The following INO80 variants were observed in gnomAD, a reference collection of about 807,000 sequenced individuals.
INO80 encodes chromatin-remodeling ATPase INO80.
In INO80, 20 loss-of-function variants were observed where a neutral mutation model predicts 203.4. The ratio of observed to expected loss-of-function variants is 0.10; its 90% CI spans 0.07 to 0.14. The LOEUF is 0.14. INO80 is among the 10% of genes least tolerant of loss of function. INO80 has a pLI of 1.00. For missense variants in INO80, 1,419 were observed against 1,914.4 expected (o/e 0.74, Z 4.83); for synonymous variants, 726 against 685.2 (o/e 1.06, Z -0.93).
chr15:40,998,856 T>C (rs935568436), intron 28 of INO80, among the ~76,000 whole-genome samples: 1 of 152,004 alleles, frequency 6.6e-6, no homozygotes, highest in African/African-American at 2.4e-5. Context: ...GAGATGGGAT[T>C]TCACCATGTT....
At chr15:40,983,249 A>C in intron 34 of INO80, 172 bp from the exon 35 acceptor site, 2 of 592,150 alleles carry the variant, frequency 3.4e-6, no homozygotes, top group Admixed American at 6.0e-5. Context: ...AGTCACACAG[A>C]ATACTAAGAA....
chr15:41,096,336 G>A lies in INO80; in HGVS notation c.-26C>T. ...AGAACAAATCTGTCTTCATGCACAA[G>A]GACCTCCGACTGCACGGCTGCAGAA... On this transcript the variant is annotated 5_prime_UTR_variant, in exon 2 of 36. Transcript: ENST00000648947. 4 of 1,555,804 alleles carry A rather than the reference G, an allele frequency of 2.6e-6. No individual in the cohort carries two copies. The highest frequency in any genetic ancestry group is 3.5e-6 in the Non-Finnish European group (4 of 1,158,190).
rs150382939 is a variant in INO80 at position 41,037,681 on chromosome 15, G to A, written c.2907+7223C>T. Among the ~76,000 whole-genome samples the A allele has an allele frequency of 2.6e-3, 389 of 152,000 alleles. 1 individual carries two copies. Among genetic ancestry groups the A allele is most frequent in the African/African-American group, 8.8e-3 (364 of 41,488 alleles). Reference sequence around the variant, plus strand: ...AGTTGGGCTGGGTGTGGTGGCTCACGCCTGTAATCCCAGCACTTTGAAAGG... The same window carrying A: ...AGTTGGGCTGGGTGTGGTGGCTCACACCTGTAATCCCAGCACTTTGAAAGG... On this transcript the variant is annotated intron_variant, in intron 24 of 35. Coordinates refer to ENST00000648947, the MANE Select transcript of INO80 (RefSeq NM_017553.3).
chr15:41,116,086 G>T lies in INO80; in HGVS notation c.-157C>A. 3 of 396,956 alleles carry T rather than the reference G, an allele frequency of 7.6e-6. No individual in the cohort carries two copies. Among genetic ancestry groups the T allele is most frequent in the Non-Finnish European group, 1.3e-5 (3 of 224,944 alleles). The allele number at this position is 396,956 out of a possible 1,614,324, so 24.6% of individuals were successfully genotyped here. On this transcript the variant is annotated 5_prime_UTR_variant, in exon 1 of 36. Coordinates refer to ENST00000648947, the MANE Select transcript of INO80 (RefSeq NM_017553.3). ...GGTGGAGCCGCGGTTCGCTCTCTGA[G>T]GCCGTGGGACGGTGACTGCGTTGGG...
intron 1 of INO80, among the ~76,000 whole-genome samples, chr15:41,114,462 A>T (rs1463717628): frequency 6.6e-6 from 1 of 151,962 alleles, no homozygotes; most frequent in Non-Finnish European, 1.5e-5. Context: ...TAATCCCAGC[A>T]CTCTGGGAGG....
chr15:41,101,237 T>C (rs1270039708), intron 1 of INO80, among the ~76,000 whole-genome samples: 5 of 152,258 alleles, frequency 3.3e-5, no homozygotes, highest in East Asian at 3.9e-4. Flanking sequence ...ATCTCCTCAT[T>C]TGTCTCTTAT....
chr15:40,999,888 C>T (rs917245989), intron 28 of INO80, among the ~76,000 whole-genome samples: 2 of 152,042 alleles, frequency 1.3e-5, no homozygotes, highest in Admixed American at 6.6e-5. Flanking sequence ...CCTAGGAGTT[C>T]GAGATCAGCT....
At position 41,115,714 on chromosome 15, in the gene INO80, G is replaced by A. The variant is rs112709032; in HGVS notation, c.-44+259C>T. On this transcript the variant is annotated intron_variant, in intron 1 of 35. Transcript: ENST00000648947. Reference sequence around the variant, plus strand: ...CACTCCCCACGTGTGGGCGCCCCACGGGCTTCCTCAGGTGGCTGAGGTCAC... The same window carrying A: ...CACTCCCCACGTGTGGGCGCCCCACAGGCTTCCTCAGGTGGCTGAGGTCAC... Among the ~76,000 whole-genome samples the A allele has an allele frequency of 2.6e-3, 389 of 152,222 alleles. 2 individuals carry two copies. The highest frequency in any genetic ancestry group is 8.9e-3 in the African/African-American group (371 of 41,538).
At position 40,980,042 on chromosome 15, in the gene INO80, C is replaced by G; in HGVS notation, c.*181G>C. ...TCCTCCTACAGGCACCCCAGATGCT[C>G]CTGATGAGACACAGATGATAAAAGT... On this transcript the variant is annotated 3_prime_UTR_variant, in exon 36 of 36. Coordinates refer to ENST00000648947, the MANE Select transcript of INO80 (RefSeq NM_017553.3). 1.6e-6 allele frequency: 1 copy of G among 613,462 alleles called. No individual in the cohort carries two copies. Among genetic ancestry groups the G allele is most frequent in the Non-Finnish European group, 2.9e-6 (1 of 345,986 alleles). 38.0% of individuals were successfully genotyped at this position (613,462 alleles called of 1,614,324 possible). A position where few individuals can be genotyped will look rare whatever the true frequency, so the allele number is the denominator to read the frequency against.
chr15:40,990,712 GT>G (rs976280983), intron 29 of INO80, among the ~76,000 whole-genome samples: 28 of 152,300 alleles, frequency 1.8e-4, no homozygotes, highest in Non-Finnish European at 3.2e-4. Context: ...CGACATTTTG[GT>G]TTCAAAGAGG....
intron 25 of INO80, among the ~76,000 whole-genome samples, chr15:41,025,294 G>T (rs2044358722): frequency 6.6e-6 from 1 of 152,202 alleles, no homozygotes; most frequent in Non-Finnish European, 1.5e-5. Flanking sequence ...GAGAGAGTGG[G>T]ACTGTTCTTG....
At chr15:41,030,659 G>T (rs1360855748) in intron 24 of INO80, among the ~76,000 whole-genome samples, 1 of 150,856 alleles carries the variant, frequency 6.6e-6, no homozygotes, top group Non-Finnish European at 1.5e-5. Flanking sequence ...ACCACACCTG[G>T]CCAACATTCA....
At position 40,979,994 on chromosome 15, in the gene INO80, G is replaced by A. The variant is rs998849618; in HGVS notation, c.*229C>T. 1 of 570,916 alleles carries A rather than the reference G, an allele frequency of 1.8e-6. No homozygotes were observed. The highest frequency in any genetic ancestry group is 3.1e-6 in the Non-Finnish European group (1 of 318,812). 35.4% of individuals were successfully genotyped at this position (570,916 alleles called of 1,614,324 possible). A position where few individuals can be genotyped will look rare whatever the true frequency, so the allele number is the denominator to read the frequency against. ...ATACAGTTCACTTGAGATGCAGTGGGGCTGATCCATGCCCTGTGGCCTTCC... is the reference window on the plus strand; with the variant it reads ...ATACAGTTCACTTGAGATGCAGTGGAGCTGATCCATGCCCTGTGGCCTTCC... On this transcript the variant is annotated 3_prime_UTR_variant, in exon 36 of 36. Transcript: ENST00000648947.
At chr15:41,044,194 C>T (rs2044715740) in intron 24 of INO80, among the ~76,000 whole-genome samples, 1 of 152,170 alleles carries the variant, frequency 6.6e-6, no homozygotes, top group Admixed American at 6.5e-5. Context: ...AATTCCATTC[C>T]TGGATATAAA....
At position 40,983,756 on chromosome 15, in the gene INO80, A is replaced by C; in HGVS notation, c.4237+6T>G. 1 of 1,612,086 alleles carries C rather than the reference A, an allele frequency of 6.2e-7. No individual in the cohort carries two copies. Among genetic ancestry groups the C allele is most frequent in the Non-Finnish European group, 8.5e-7 (1 of 1,179,880 alleles). On this transcript the variant is annotated splice_donor_region_variant and intron_variant, in intron 34 of 35. Coordinates refer to ENST00000648947, the MANE Select transcript of INO80 (RefSeq NM_017553.3). ...GGCCCAAGCTGTACAAGACAGCAGC[A>C]ATTACCATTCACGGTATCTGAGACG...
At chr15:41,009,690 T>C (rs2044105063) in intron 27 of INO80, among the ~76,000 whole-genome samples, 1 of 152,056 alleles carries the variant, frequency 6.6e-6, no homozygotes, top group South Asian at 2.1e-4. Flanking sequence ...TGGGCTCAAA[T>C]GATCCTCTCA....
At chr15:41,007,846 T>A (rs1349830830) in intron 27 of INO80, among the ~76,000 whole-genome samples, 1 of 151,206 alleles carries the variant, frequency 6.6e-6, no homozygotes, top group Admixed American at 6.6e-5. Context: ...CCTCACACTA[T>A]AGGAAAACAC....
chr15:41,061,636 A>C (rs2045111304), intron 14 of INO80, among the ~76,000 whole-genome samples: 1 of 151,860 alleles, frequency 6.6e-6, no homozygotes, highest in African/African-American at 2.4e-5. Context: ...AAAATAAATA[A>C]AATAAAAAAA....
chr15:41,030,290 T>C (rs890900445), intron 24 of INO80, among the ~76,000 whole-genome samples: 3 of 152,218 alleles, frequency 2.0e-5, no homozygotes, highest in South Asian at 2.1e-4. Context: ...TTATTTGTTA[T>C]TACCTTTCTG....
Sources: gnomAD v4.1 joint callset for allele counts (sites outside exome capture counted in the v4.1 genomes callset) on GRCh38, gnomAD v4.1.1 for gene constraint, MANE v1.5 for transcripts, NCBI Gene and HGNC (gene_info 2026-07-23, HGNC 2026-07-21) for gene names.